WDR77: variants seen among roughly 807,000 people sequenced by gnomAD.
WDR77 encodes the protein WD repeat domain 77, also known as methylosome protein WDR77.
WDR77 carries 31 observed loss-of-function variants against 44.0 expected under a neutral mutation model. The ratio of observed to expected loss-of-function variants is 0.70; its 90% CI spans 0.53 to 0.95. The LOEUF is 0.95. WDR77 is among the 40% of genes least tolerant of loss of function. WDR77 has a pLI of 0.00. For missense variants in WDR77, 390 were observed against 423.9 expected, an observed-to-expected ratio of 0.92 and a Z score of 0.70; for synonymous variants, 186 against 165.7, an observed-to-expected ratio of 1.12 and a Z score of -0.94.
At position 111,440,810 on chromosome 1, in the gene WDR77, A is replaced by G. The variant is rs1364954995; in HGVS notation, c.*420T>C. On this transcript the variant is annotated 3_prime_UTR_variant, in exon 10 of 10. Coordinates refer to ENST00000235090, the MANE Select transcript of WDR77 (RefSeq NM_024102.4). ...AGTCAATCCCATCTCTATGAGTAGC[A>G]TAAGAGCTGCTTCCAAGAACCCAGG... The G allele has an allele frequency of 3.3e-5, 5 of 153,704 alleles. No individual in the cohort carries two copies. Among genetic ancestry groups the G allele is most frequent in the African/African-American group, 7.2e-5 (3 of 41,528 alleles). 9.5% of individuals were successfully genotyped at this position (153,704 alleles called of 1,614,324 possible).
intron 6 of WDR77, chr1:111,443,640 T>C (rs1459676360): frequency 1.0e-6 from 1 of 984,848 alleles, no homozygotes; most frequent in African/African-American, 1.7e-5. Flanking sequence ...CCCTTTGTCC[T>C]ACCATCTAAT....
intron 9 of WDR77, chr1:111,441,685 A>G: frequency 2.1e-6 from 2 of 931,848 alleles, no homozygotes; most frequent in East Asian, 6.9e-5. Context: ...CAGGTCTTCC[A>G]GGTGCTGCCT....
intron 4 of WDR77, chr1:111,446,778 T>C (rs1371598424): frequency 4.0e-6 from 1 of 250,662 alleles, no homozygotes; most frequent in African/African-American, 2.3e-5. Flanking sequence ...GGTGAGGCCA[T>C]CAATAGAAAC....
At chr1:111,443,103 A>C (rs755148326) in intron 7 of WDR77, among the ~76,000 whole-genome samples, 6 of 152,202 alleles carry the variant, frequency 3.9e-5, no homozygotes, top group Non-Finnish European at 7.3e-5. Flanking sequence ...TGGATCAATC[A>C]ATCAAAAATC....
intron 4 of WDR77, 98 bp downstream of exon 4, chr1:111,446,997 T>C (rs781463159): frequency 6.7e-5 from 83 of 1,239,236 alleles, no homozygotes; most frequent in Admixed American, 9.6e-5. Context: ...AAGAAAACTA[T>C]CAGAACATGG....
In WDR77 at chr1:111,449,156, G is replaced by A. The variant is rs1234493962; in HGVS notation, c.14C>T (p.Thr5Ile). The A allele has an allele frequency of 1.3e-6, 2 of 1,584,318 alleles. No homozygotes were observed. The highest frequency in any genetic ancestry group is 3.5e-5 in the Admixed American group (2 of 57,836). Reference protein sequence around the residue: MRKETPPPLVPPAAR... With the variant: MRKEIPPPLVPPAAR... ...CGCCGGGGGCACTAGGGGGGGTGGGGTTTCCTTCCGCATCTCCACGGTTCC... is the reference window on the plus strand; with the variant it reads ...CGCCGGGGGCACTAGGGGGGGTGGGATTTCCTTCCGCATCTCCACGGTTCC... The change falls in exon 1 of 10, where the codon ACC becomes ATC. Residue 5 changes from threonine to isoleucine, a missense_variant. Transcript: ENST00000235090.
Position 111,449,177 on chromosome 1 carries a change from G to A in WDR77, c.-8C>T. 1 of 1,569,848 alleles carries A rather than the reference G, an allele frequency of 6.4e-7. No homozygotes were observed. Among genetic ancestry groups the A allele is most frequent in the Non-Finnish European group, 8.6e-7 (1 of 1,164,290 alleles). On this transcript the variant is annotated 5_prime_UTR_variant, in exon 1 of 10. Coordinates refer to ENST00000235090, the MANE Select transcript of WDR77 (RefSeq NM_024102.4). ...TGGGGTTTCCTTCCGCATCTCCACG[G>A]TTCCAACTCCAACCTAGACTCAAAC... is the stretch of plus-strand genomic sequence containing the variant.
chr1:111,448,952 C>A, intron 1 of WDR77, 103 bp downstream of exon 1: 4 of 1,534,332 alleles, frequency 2.6e-6, no homozygotes, highest in South Asian at 2.4e-5. Context: ...GACCCAGGGT[C>A]AGGATAACAT....
Position 111,443,893 on chromosome 1 carries a change from C to T in WDR77, c.593G>A (p.Arg198His), listed in dbSNP as rs768526334. 6 of 1,614,076 alleles carry T rather than the reference C, an allele frequency of 3.7e-6. No individual in the cohort carries two copies. In the Admixed American group the frequency reaches 6.7e-5, roughly 18 times the overall value. The change falls in exon 6 of 10, where the codon CGC becomes CAC. Residue 198 changes from arginine to histidine, a missense_variant. Arg to His is a conservative substitution (Grantham distance 29). Coordinates refer to ENST00000235090, the MANE Select transcript of WDR77 (RefSeq NM_024102.4). ...EDNRILLWDT[R>H]CPKPASQIGC... ...AATCTGTGATGCTGGCTTGGGACAG[C>T]GGGTATCCCAGAGTAAAATTCTATT... is the stretch of plus-strand genomic sequence containing the variant.
intron 2 of WDR77, among the ~76,000 whole-genome samples, chr1:111,447,916 C>T (rs1036775330): frequency 1.3e-5 from 2 of 152,294 alleles, no homozygotes; most frequent in South Asian, 4.2e-4. Flanking sequence ...ACTGTTTAAG[C>T]AGCACACTAT....
At chr1:111,444,774 C>T (rs1252778571) in intron 4 of WDR77, among the ~76,000 whole-genome samples, 1 of 152,212 alleles carries the variant, frequency 6.6e-6, no homozygotes, top group African/African-American at 2.4e-5. Context: ...GTTTCAGTCA[C>T]ACCACAAACA....
chr1:111,446,080 A>C (rs1460255315), intron 4 of WDR77, among the ~76,000 whole-genome samples: 1 of 152,208 alleles, frequency 6.6e-6, no homozygotes, highest in Non-Finnish European at 1.5e-5. Flanking sequence ...CTGGGCATTC[A>C]ACATTATTGT....
At chr1:111,443,964 G>T in intron 5 of WDR77, 43 bp from the exon 6 acceptor site, 1 of 1,613,908 alleles carries the variant, frequency 6.2e-7, no homozygotes, top group Non-Finnish European at 8.5e-7. Context: ...TAATCCAAAG[G>T]AGCAGTTGCA....
chr1:111,448,556 C>T (rs1031647418), intron 2 of WDR77, 63 bp downstream of exon 2: 122 of 1,598,802 alleles, frequency 7.6e-5, no homozygotes, highest in Non-Finnish European at 1.0e-4. Context: ...CCCTACGGTA[C>T]CCCAAGTCTC....
intron 3 of WDR77, 25 bp downstream of exon 3, chr1:111,447,410 A>T: frequency 6.2e-7 from 1 of 1,613,662 alleles, no homozygotes; most frequent in South Asian, 1.1e-5. Context: ...GCTTAGAGAC[A>T]GGAGCAATGA....
At chr1:111,442,864 G>T in intron 7 of WDR77, 103 bp from the exon 8 acceptor site, 1 of 747,522 alleles carries the variant, frequency 1.3e-6, no homozygotes, top group Non-Finnish European at 2.0e-6. Context: ...ACCATTCTGA[G>T]CATCAGTTTT....
In WDR77 at chr1:111,449,132, G is replaced by T. The variant is rs765480397; in HGVS notation, c.38C>A (p.Ala13Glu). ...TGGGGGAAGATTCCACTCCCGGGCC[G>T]CCGGGGGCACTAGGGGGGGTGGGGT... The part of the protein sequence containing the change: ...KETPPPLVPP[A>E]AREWNLPPNA... Residue 13 changes from alanine to glutamate, a missense_variant, in exon 1 of 10, where the codon GCG becomes GAG. Coordinates refer to ENST00000235090, the MANE Select transcript of WDR77 (RefSeq NM_024102.4). The T allele has an allele frequency of 6.3e-7, 1 of 1,599,048 alleles. No homozygotes were observed.
intron 2 of WDR77, 34 bp downstream of exon 2, chr1:111,448,585 G>T (rs1453560797): frequency 1.2e-6 from 2 of 1,610,016 alleles, no homozygotes; most frequent in African/African-American, 2.7e-5. Flanking sequence ...CGTTCCACCC[G>T]GGGGTGGGGG....
intron 4 of WDR77, among the ~76,000 whole-genome samples, chr1:111,445,831 T>C (rs1349815359): frequency 6.6e-6 from 1 of 152,044 alleles, no homozygotes; most frequent in Non-Finnish European, 1.5e-5. Flanking sequence ...TGCAGTGGCG[T>C]GATCTCGACT....
Sources: allele counts gnomAD v4.1 joint callset (sites outside exome capture counted in the v4.1 genomes callset), GRCh38; gene constraint gnomAD v4.1.1; transcripts MANE v1.5; gene names NCBI Gene and HGNC (gene_info 2026-07-23, HGNC 2026-07-21).